CTIF: variants seen among roughly 807,000 people sequenced by gnomAD.
CTIF encodes cap binding complex dependent translation initiation factor.
CTIF carries 21 observed loss-of-function variants against 66.0 expected under a neutral mutation model. The ratio of observed to expected loss-of-function variants is 0.32; its 90% CI spans 0.23 to 0.46. The LOEUF (loss-of-function observed/expected upper bound fraction) is 0.46, where lower values mean the gene tolerates loss of function less well. Among genes scored for constraint, CTIF ranks in the 20% least tolerant of loss-of-function variants. The pLI is 1.00. For synonymous variants in CTIF, 345 were observed against 326.4 expected (o/e 1.06, Z -0.62); for missense variants, 739 against 812.7 (o/e 0.91, Z 1.10).
chr18:48,840,862 TCCACCCCCACCC>T lies in CTIF; in HGVS notation c.1528-16712_1528-16701del, dbSNP rs542159602. Reference sequence around the variant, plus strand: ...CCCAGCTCCTGCCACAAGGCTTCACTCCACCCCCACCCCCACCCCCACCCCAGAAGATGGGCA... The same window carrying T: ...CCCAGCTCCTGCCACAAGGCTTCACTCCACCCCCACCCCAGAAGATGGGCA... On this transcript the variant is annotated intron_variant, in intron 10 of 11. Coordinates refer to ENST00000256413, the MANE Select transcript of CTIF (RefSeq NM_014772.3). Among the ~76,000 whole-genome samples, 6 of 132,426 alleles carry T rather than the reference TCCACCCCCACCC, an allele frequency of 4.5e-5. No homozygotes were observed. The East Asian group carries it at 1.0e-3, about 22-fold the overall frequency. 86.9% of individuals were successfully genotyped at this position (132,426 alleles called of 152,430 possible).
At chr18:48,844,452 C>T (rs1289693513) in intron 10 of CTIF, among the ~76,000 whole-genome samples, 2 of 152,226 alleles carry the variant, frequency 1.3e-5, no homozygotes, top group Non-Finnish European at 2.9e-5. Context: ...GCCCCCGGGC[C>T]AGCTGTGGGA....
chr18:48,840,579 C>T (rs1388010622), intron 10 of CTIF, among the ~76,000 whole-genome samples: 1 of 152,208 alleles, frequency 6.6e-6, no homozygotes, highest in African/African-American at 2.4e-5. Context: ...AGAGTACTTA[C>T]CAAATCCCTA....
chr18:48,800,441 A>C (rs2068025348), intron 9 of CTIF, among the ~76,000 whole-genome samples: 1 of 152,196 alleles, frequency 6.6e-6, no homozygotes, highest in South Asian at 2.1e-4. Context: ...CCAGCCCATC[A>C]CATTCCCCAC....
chr18:48,718,741 C>G (rs1050177246), intron 7 of CTIF, among the ~76,000 whole-genome samples: 5 of 152,258 alleles, frequency 3.3e-5, no homozygotes, highest in Middle Eastern at 3.4e-3. Flanking sequence ...CTGGGCACCC[C>G]CTAGCCCAGT....
At chr18:48,681,232 G>A (rs1355372773) in intron 6 of CTIF, among the ~76,000 whole-genome samples, 2 of 152,346 alleles carry the variant, frequency 1.3e-5, no homozygotes, top group East Asian at 1.9e-4. Context: ...TATACAGCCA[G>A]GGGGGCTGGG....
rs535781992 is a variant in CTIF at position 48,670,781 on chromosome 18, C to T, written c.507+37C>T. On this transcript the variant is annotated intron_variant, in intron 6 of 11. Coordinates refer to ENST00000256413, the MANE Select transcript of CTIF (RefSeq NM_014772.3). Reference sequence around the variant, plus strand: ...GGCAGGCTCTCTAACAGCCCACCCCCACCCCTGGAGTCCTGATCCTCTTCC... The same window carrying T: ...GGCAGGCTCTCTAACAGCCCACCCCTACCCCTGGAGTCCTGATCCTCTTCC... The T allele has an allele frequency of 8.3e-6, 13 of 1,560,136 alleles. 1 individual carries two copies. In the South Asian group the frequency reaches 1.4e-4, roughly 17 times the overall value.
At chr18:48,556,439 C>A (rs960213765) in intron 1 of CTIF, among the ~76,000 whole-genome samples, 1 of 152,156 alleles carries the variant, frequency 6.6e-6, no homozygotes, top group Admixed American at 6.5e-5. Context: ...GCTCAGGCAC[C>A]CCGCCCCAAG....
At chr18:48,592,280 G>C (rs1240427297) in intron 1 of CTIF, among the ~76,000 whole-genome samples, 3 of 152,252 alleles carry the variant, frequency 2.0e-5, no homozygotes, top group Non-Finnish European at 4.4e-5. Flanking sequence ...GAGGTGGGCG[G>C]ATCAACTGAG....
intron 1 of CTIF, among the ~76,000 whole-genome samples, chr18:48,541,557 GA>G (rs770552218): frequency 1.7e-3 from 253 of 152,222 alleles, no homozygotes; most frequent in Non-Finnish European, 2.7e-3. Flanking sequence ...TGGCTTTCAA[GA>G]AAACCCAATT....
chr18:48,860,014 T>C lies in CTIF; in HGVS notation c.*455T>C. On this transcript the variant is annotated 3_prime_UTR_variant, in exon 12 of 12. Transcript: ENST00000256413. The stretch of plus-strand genomic sequence containing the variant: ...ACGGGCTCGCATTGTTCCCGCATGC[T>C]GTCAGCCGCAGTCGCCAACTGGCAG... The C allele has an allele frequency of 2.2e-6, 1 of 447,998 alleles. No homozygotes were observed. Among genetic ancestry groups the C allele is most frequent in the South Asian group, 1.6e-5 (1 of 64,072 alleles). 27.8% of individuals were successfully genotyped at this position (447,998 alleles called of 1,614,324 possible).
At chr18:48,845,900 C>T (rs1306317728) in intron 10 of CTIF, among the ~76,000 whole-genome samples, 1 of 152,148 alleles carries the variant, frequency 6.6e-6, no homozygotes, top group Admixed American at 6.5e-5. Context: ...TAAATATCCT[C>T]CTCCCTTCCT....
chr18:48,629,890 G>T (rs1338284995), intron 2 of CTIF, among the ~76,000 whole-genome samples: 1 of 152,194 alleles, frequency 6.6e-6, no homozygotes, highest in African/African-American at 2.4e-5. Context: ...AATGGACTTA[G>T]AACAGTGCCT....
intron 1 of CTIF, among the ~76,000 whole-genome samples, chr18:48,571,193 T>C (rs2089408409): frequency 1.3e-5 from 2 of 152,114 alleles, no homozygotes; most frequent in South Asian, 4.2e-4. Context: ...TGTTTGTTTG[T>C]TTGCCCAGGC....
chr18:48,739,465 C>G (rs12969405), intron 7 of CTIF, among the ~76,000 whole-genome samples: 107,212 of 152,130 alleles, frequency 0.7, 38,262 homozygotes, highest in East Asian at 0.82. Flanking sequence ...TGGTGGGACG[C>G]GCCACAGTAC....
chr18:48,769,853 GTC>G (rs1364781462), intron 9 of CTIF, among the ~76,000 whole-genome samples: 1 of 152,238 alleles, frequency 6.6e-6, no homozygotes, highest in Non-Finnish European at 1.5e-5. Flanking sequence ...GGTCCTGTAT[GTC>G]TCTGTTCATT....
At chr18:48,738,556 TCTC>T (rs1463006427) in intron 7 of CTIF, among the ~76,000 whole-genome samples, 1 of 150,538 alleles carries the variant, frequency 6.6e-6, no homozygotes, top group Non-Finnish European at 1.5e-5. Context: ...GGATTGCTCT[TCTC>T]CTGGGTATTT....
At chr18:48,689,619 T>A (rs1157982062) in intron 6 of CTIF, among the ~76,000 whole-genome samples, 1 of 152,184 alleles carries the variant, frequency 6.6e-6, no homozygotes, top group Non-Finnish European at 1.5e-5. Flanking sequence ...GGAGCCTTCA[T>A]GGTTGTCCAT....
At chr18:48,721,858 C>T (rs1194275107) in intron 7 of CTIF, among the ~76,000 whole-genome samples, 2 of 152,268 alleles carry the variant, frequency 1.3e-5, no homozygotes, top group East Asian at 3.9e-4. Flanking sequence ...CAGAGCAATT[C>T]TCTTACACTT....
intron 9 of CTIF, among the ~76,000 whole-genome samples, chr18:48,796,323 G>A (rs1371331099): frequency 2.0e-5 from 3 of 151,980 alleles, no homozygotes; most frequent in South Asian, 4.2e-4. Flanking sequence ...ACAGGCGACC[G>A]TCACCATGTC....
Sources: gnomAD v4.1 joint callset for allele counts (sites outside exome capture counted in the v4.1 genomes callset) on GRCh38, gnomAD v4.1.1 for gene constraint, MANE v1.5 for transcripts, NCBI Gene and HGNC (gene_info 2026-07-23, HGNC 2026-07-21) for gene names.